Variants in CSMD1 observed in about 807,000 individuals in gnomAD.
CSMD1 encodes the protein CUB and Sushi multiple domains 1.
CSMD1 carries 213 observed loss-of-function variants against 417.5 expected under a neutral mutation model. That is an observed-to-expected ratio of 0.51 (90% CI 0.46 to 0.57). CSMD1 has a LOEUF of 0.57. CSMD1 is among the 20% of genes least tolerant of loss of function. The pLI, the probability that CSMD1 is intolerant of heterozygous loss-of-function variation, is 0.00. For synonymous variants in CSMD1, 2,862 were observed against 1,736.8 expected (o/e 1.65, Z -16.11); for missense variants, 6,923 against 4,529.7 (o/e 1.53, Z -15.17).
intron 3 of CSMD1, among the ~76,000 whole-genome samples, chr8:4,378,712 G>A (rs2128917325): frequency 6.6e-6 from 1 of 152,308 alleles, no homozygotes; most frequent in South Asian, 2.1e-4. Context: ...TATTCAGTGT[G>A]GTGGTCTTAG....
At chr8:4,801,802 G>A (rs552542907) in intron 1 of CSMD1, among the ~76,000 whole-genome samples, 1 of 152,274 alleles carries the variant, frequency 6.6e-6, no homozygotes, top group African/African-American at 2.4e-5. Flanking sequence ...AAAGAGAAAT[G>A]AATACAGCTA....
At chr8:4,928,591 G>C (rs371001674) in intron 1 of CSMD1, among the ~76,000 whole-genome samples, 7 of 152,244 alleles carry the variant, frequency 4.6e-5, no homozygotes, top group African/African-American at 1.7e-4. Context: ...ATTTACGAAA[G>C]AGGCTATCCA....
chr8:4,689,898 G>A (rs1250280311), intron 1 of CSMD1, among the ~76,000 whole-genome samples: 1 of 152,110 alleles, frequency 6.6e-6, no homozygotes, highest in African/African-American at 2.4e-5. Flanking sequence ...AGGTAAGAAG[G>A]AAAGCCTGTT....
chr8:3,498,495 G>C (rs1480618856), intron 10 of CSMD1, among the ~76,000 whole-genome samples: 3 of 152,122 alleles, frequency 2.0e-5, no homozygotes, highest in African/African-American at 7.2e-5. Flanking sequence ...TTTGGCATTA[G>C]ATCTGTTTGG....
At chr8:3,614,765 C>T (rs1056631699) in intron 8 of CSMD1, among the ~76,000 whole-genome samples, 2 of 152,184 alleles carry the variant, frequency 1.3e-5, no homozygotes, top group Non-Finnish European at 2.9e-5. Flanking sequence ...TTTCTTTGTG[C>T]CACGCACAGT....
chr8:4,219,060 A>T (rs184892325), intron 3 of CSMD1, among the ~76,000 whole-genome samples: 1 of 152,288 alleles, frequency 6.6e-6, no homozygotes, highest in African/African-American at 2.4e-5. Flanking sequence ...CGTTAGAGGT[A>T]CACCGTCTAC....
intron 3 of CSMD1, among the ~76,000 whole-genome samples, chr8:4,202,495 T>C (rs710257): frequency 0.78 from 118,072 of 152,176 alleles, 46,794 homozygotes; most frequent in South Asian, 0.88. Context: ...AGGTCTTCAA[T>C]AACAAATTTG....
intron 5 of CSMD1, among the ~76,000 whole-genome samples, chr8:3,835,468 A>G (rs1401642057): frequency 6.6e-6 from 1 of 152,058 alleles, no homozygotes; most frequent in Non-Finnish European, 1.5e-5. Flanking sequence ...TACCGCCAGG[A>G]CAAAAAACCA....
chr8:3,046,995 G>C (rs1450498113), intron 50 of CSMD1, among the ~76,000 whole-genome samples: 15 of 152,110 alleles, frequency 9.9e-5, no homozygotes, highest in Admixed American at 9.8e-4. Flanking sequence ...GAATCATGAA[G>C]TCAGGAGTTT....
In CSMD1 at chr8:4,116,079, A is replaced by G. The variant is rs1249775215; in HGVS notation, c.416-83980T>C. On this transcript the variant is annotated intron_variant, in intron 3 of 69. Transcript: ENST00000635120. ...GTAGTGGCAATCTTGGCTCACTGCA[A>G]CCTCCGCCTCCTGGGTTCAAGCGAT... Among the ~76,000 whole-genome samples, 4 of 151,192 alleles carry G rather than the reference A, an allele frequency of 2.6e-5. No individual in the cohort carries two copies. The East Asian group carries it at 7.8e-4, about 29-fold the overall frequency.
intron 1 of CSMD1, among the ~76,000 whole-genome samples, chr8:4,731,516 T>C (rs533373379): frequency 6.6e-6 from 1 of 152,216 alleles, no homozygotes; most frequent in Admixed American, 6.5e-5. Context: ...TGTCATAACT[T>C]TCCATTTATC....
intron 2 of CSMD1, among the ~76,000 whole-genome samples, chr8:4,618,985 C>A (rs1585340181): frequency 6.6e-6 from 1 of 152,080 alleles, no homozygotes; most frequent in Non-Finnish European, 1.5e-5. Flanking sequence ...TTCAGTAATA[C>A]CAGAAGGAGA....
In CSMD1 at chr8:3,281,159, C is replaced by T. The variant is rs367605689; in HGVS notation, c.4153+2985G>A. Among the ~76,000 whole-genome samples the T allele has an allele frequency of 5.1e-4, 78 of 152,214 alleles. No individual in the cohort carries two copies. The South Asian group carries it at 9.3e-3, about 18-fold the overall frequency. ...GTCCTTCAATAAGAAAATGGGTAAA[C>T]AGGCTGGGCGAGGTGGCTCACGCCT... On this transcript the variant is annotated intron_variant, in intron 26 of 69. Transcript: ENST00000635120.
intron 3 of CSMD1, among the ~76,000 whole-genome samples, chr8:4,092,932 C>T (rs1158590956): frequency 6.6e-6 from 1 of 151,900 alleles, no homozygotes; most frequent in South Asian, 2.1e-4. Context: ...TTCTCTGAAT[C>T]CTTTATTACT....
chr8:3,539,370 T>C (rs1798343576), intron 10 of CSMD1, among the ~76,000 whole-genome samples: 1 of 152,202 alleles, frequency 6.6e-6, no homozygotes, highest in Non-Finnish European at 1.5e-5. Context: ...ACACCTTTAC[T>C]ATAAGAAGTA....
intron 3 of CSMD1, among the ~76,000 whole-genome samples, chr8:4,039,742 T>C (rs1297217823): frequency 6.6e-6 from 1 of 152,152 alleles, no homozygotes; most frequent in Non-Finnish European, 1.5e-5. Flanking sequence ...ATAAGAAAGA[T>C]AAATTGATGT....
At chr8:4,534,583 C>T (rs1014712597) in intron 2 of CSMD1, among the ~76,000 whole-genome samples, 3 of 151,992 alleles carry the variant, frequency 2.0e-5, no homozygotes, top group African/African-American at 7.3e-5. Flanking sequence ...CCCCTCCCCT[C>T]CTCCCTCTTT....
At chr8:3,759,949 A>G (rs1029655082) in intron 5 of CSMD1, among the ~76,000 whole-genome samples, 17 of 150,496 alleles carry the variant, frequency 1.1e-4, no homozygotes, top group Non-Finnish European at 1.8e-4. Flanking sequence ...AAATAATGGT[A>G]GTGATCAACC....
intron 2 of CSMD1, among the ~76,000 whole-genome samples, chr8:4,563,881 AAAG>A (rs1166592113): frequency 6.6e-6 from 1 of 152,178 alleles, no homozygotes; most frequent in African/African-American, 2.4e-5. Flanking sequence ...CGAAGTAACA[AAAG>A]AAGTGTCACT....
Sources: allele counts gnomAD v4.1 joint callset (sites outside exome capture counted in the v4.1 genomes callset), GRCh38; gene constraint gnomAD v4.1.1; transcripts MANE v1.5; gene names NCBI Gene and HGNC (gene_info 2026-07-23, HGNC 2026-07-21).